Variants in SLC8A1 observed in about 807,000 individuals in gnomAD.
The protein encoded by SLC8A1 is sodium/calcium exchanger 1.
Under a neutral mutation model 68.3 loss-of-function variants are expected in SLC8A1, and 18 were observed. That is an observed-to-expected ratio of 0.26 (90% confidence interval 0.18 to 0.39). The LOEUF (loss-of-function observed/expected upper bound fraction) is 0.39, where lower values mean the gene tolerates loss of function less well. SLC8A1 is among the 10% of genes least tolerant of loss of function. SLC8A1 has a pLI of 1.00. For synonymous variants in SLC8A1, 475 were observed against 415.5 expected (o/e 1.14, Z -1.74); for missense variants, 985 against 1,156.7 (o/e 0.85, Z 2.15).
chr2:40,160,940 G>C, intron 5 of SLC8A1, 76 bp from the exon 9 acceptor site: 1 of 1,028,378 alleles, frequency 9.7e-7, no homozygotes. Flanking sequence ...TGTTGATTTT[G>C]AAACTCCAGA....
chr2:40,394,784 G>A (rs1686406488), intron 2 of SLC8A1, among the ~76,000 whole-genome samples: 1 of 151,878 alleles, frequency 6.6e-6, no homozygotes, highest in South Asian at 2.1e-4. Context: ...TGCCAAAAAG[G>A]AACATATTAA....
At chr2:40,280,604 G>C (rs947923871) in intron 2 of SLC8A1, among the ~76,000 whole-genome samples, 6 of 152,218 alleles carry the variant, frequency 3.9e-5, no homozygotes, top group African/African-American at 1.4e-4. Flanking sequence ...TCAGGCACTG[G>C]GAATGCTGAA....
chr2:40,219,335 G>A (rs1004109465), intron 2 of SLC8A1, among the ~76,000 whole-genome samples: 4 of 152,212 alleles, frequency 2.6e-5, no homozygotes, highest in African/African-American at 9.6e-5. Flanking sequence ...AGTAATTGTG[G>A]CAATTGCCTC....
chr2:40,384,377 T>C (rs1340080999), intron 2 of SLC8A1, among the ~76,000 whole-genome samples: 2 of 152,134 alleles, frequency 1.3e-5, no homozygotes, highest in Non-Finnish European at 2.9e-5. Context: ...TTGTAGATTG[T>C]TGAAATTTGA....
intron 2 of SLC8A1, among the ~76,000 whole-genome samples, chr2:40,260,703 T>C (rs952262802): frequency 7.9e-5 from 12 of 151,824 alleles, no homozygotes; most frequent in Non-Finnish European, 1.2e-4. Flanking sequence ...TGCTGAATTA[T>C]TGACCTTTCC....
At chr2:40,290,393 T>A (rs1356049842) in intron 2 of SLC8A1, among the ~76,000 whole-genome samples, 1 of 152,200 alleles carries the variant, frequency 6.6e-6, no homozygotes, top group Non-Finnish European at 1.5e-5. Flanking sequence ...GATTTTAAAC[T>A]TCATTTTCTT....
intron 1 of SLC8A1, among the ~76,000 whole-genome samples, chr2:40,464,081 G>T (rs1703512967): frequency 6.6e-6 from 1 of 152,144 alleles, no homozygotes; most frequent in Non-Finnish European, 1.5e-5. Context: ...TTTTAGTAGA[G>T]ACGGGGTTTC....
rs982602798 is a variant in SLC8A1 at position 40,337,897 on chromosome 2, T to A, written c.1808+90576A>T. 2.6e-5 allele frequency among the ~76,000 whole-genome samples: 4 copies of A among 152,198 alleles called. No individual in the cohort carries two copies. In the East Asian group the frequency reaches 7.7e-4, roughly 29 times the overall value. On this transcript the variant is annotated intron_variant, in intron 2 of 7. Coordinates refer to ENST00000406785, the Ensembl canonical transcript of SLC8A1. Reference sequence around the variant, plus strand: ...TTTAATAATACTAAATCATGTAAGTTAGATGTCTTACTAGTATTTAGTTCA... The same window carrying A: ...TTTAATAATACTAAATCATGTAAGTAAGATGTCTTACTAGTATTTAGTTCA...
intron 2 of SLC8A1, among the ~76,000 whole-genome samples, chr2:40,256,983 C>G (rs190790739): frequency 6.6e-6 from 1 of 151,586 alleles, no homozygotes; most frequent in Non-Finnish European, 1.5e-5. Flanking sequence ...GCAGTCTCAT[C>G]TGACAAATTA....
chr2:40,491,669 A>T (rs993469567), intron 1 of SLC8A1, among the ~76,000 whole-genome samples: 52 of 152,102 alleles, frequency 3.4e-4, no homozygotes, highest in Non-Finnish European at 1.0e-4. Flanking sequence ...TACCTAATTT[A>T]TTGAGAGTTT....
At chr2:40,438,627 G>A (rs947574288) in intron 1 of SLC8A1, among the ~76,000 whole-genome samples, 4 of 152,158 alleles carry the variant, frequency 2.6e-5, no homozygotes, top group African/African-American at 9.7e-5. Flanking sequence ...GGGATGGGAA[G>A]GATGACAACG....
chr2:40,318,358 A>G (rs148434029), intron 2 of SLC8A1, among the ~76,000 whole-genome samples: 59 of 152,160 alleles, frequency 3.9e-4, no homozygotes, highest in African/African-American at 1.4e-3. Flanking sequence ...TCTACTTAAC[A>G]CTATTCAAGA....
rs1035023556 is a variant in SLC8A1 at position 40,159,445 on chromosome 2, A to G, written c.2161+1320T>C. Among the ~76,000 whole-genome samples the G allele has an allele frequency of 1.1e-4, 16 of 152,172 alleles. 1 individual carries two copies. In the East Asian group the frequency reaches 3.1e-3, roughly 29 times the overall value. On this transcript the variant is annotated intron_variant, in intron 6 of 7. Transcript: ENST00000406785. ...GAAATGGTTCAGTATAAGGCTTAGG[A>G]TGCTTTTAATGTTTTAATTCTAATA...
intron 1 of SLC8A1, among the ~76,000 whole-genome samples, chr2:40,434,932 A>T (rs1248216474): frequency 6.6e-6 from 1 of 152,136 alleles, no homozygotes; most frequent in South Asian, 2.1e-4. Flanking sequence ...CTGCTTTGTA[A>T]AGGAAGAGGG....
chr2:40,158,302 TTAATCA>T (rs1313026199), intron 6 of SLC8A1, among the ~76,000 whole-genome samples: 1 of 152,188 alleles, frequency 6.6e-6, no homozygotes, highest in Non-Finnish European at 1.5e-5. Context: ...ACAGTTAAAT[TTAATCA>T]TAAAGACAAA....
intron 2 of SLC8A1, among the ~76,000 whole-genome samples, chr2:40,309,117 G>C (rs1313054560): frequency 6.6e-6 from 1 of 152,116 alleles, no homozygotes; most frequent in Non-Finnish European, 1.5e-5. Context: ...TATTGTTGAT[G>C]TTTCATTATT....
At chr2:40,157,757 T>C (rs552325813) in intron 6 of SLC8A1, among the ~76,000 whole-genome samples, 18 of 152,324 alleles carry the variant, frequency 1.2e-4, no homozygotes, top group African/African-American at 3.8e-4. Flanking sequence ...TTGACAGCCA[T>C]TGAACTGCAG....
chr2:40,353,291 A>G (rs1236464639), intron 2 of SLC8A1, among the ~76,000 whole-genome samples: 1 of 152,128 alleles, frequency 6.6e-6, no homozygotes, highest in Middle Eastern at 3.2e-3. Context: ...CTTGACAGCT[A>G]AAGAAAAAAA....
At chr2:40,497,650 G>A (rs775270056) in intron 1 of SLC8A1, among the ~76,000 whole-genome samples, 3 of 152,002 alleles carry the variant, frequency 2.0e-5, no homozygotes, top group Non-Finnish European at 4.4e-5. Flanking sequence ...ACTCTGACTA[G>A]TTCAGTGAAT....
Sources: gnomAD v4.1 joint callset for allele counts (sites outside exome capture counted in the v4.1 genomes callset) on GRCh38, gnomAD v4.1.1 for gene constraint, MANE v1.5 for transcripts, NCBI Gene and HGNC (gene_info 2026-07-23, HGNC 2026-07-21) for gene names.